Variants in GABRE observed in about 807,000 individuals in gnomAD.
The protein encoded by GABRE is gamma-aminobutyric acid receptor subunit epsilon.
GABRE carries 20 observed loss-of-function variants against 31.0 expected under a neutral mutation model. The observed-to-expected ratio is 0.64, with a 90% CI of 0.45 to 0.94. The LOEUF is 0.94. GABRE is among the 40% of genes least tolerant of loss of function. GABRE has a pLI of 0.00. For synonymous variants in GABRE, 155 were observed against 150.6 expected (o/e 1.03, Z -0.21); for missense variants, 420 against 410.7 (o/e 1.02, Z -0.20).
chrX:151,954,979 T>C lies in GABRE; in HGVS notation c.1243A>G (p.Ser415Gly). ...CAAGACGGGCGCTCCTCTCCATCACTTCCCTCAGTGGTGACAATCTGGCAC... is the reference window on the plus strand; with the variant it reads ...CAAGACGGGCGCTCCTCTCCATCACCTCCCTCAGTGGTGACAATCTGGCAC... Reference protein sequence around the residue: ...FVCQIVTTEGSDGEERPSCSA... With the variant: ...FVCQIVTTEGGDGEERPSCSA... Residue 415 changes from serine to glycine, a missense_variant, in exon 9 of 9, where the codon AGT becomes GGT. By Grantham distance (56) the Ser-to-Gly change is moderately conservative. Coordinates refer to ENST00000370328, the MANE Select transcript of GABRE (RefSeq NM_004961.4). 1 of 1,206,659 alleles carries C rather than the reference T, an allele frequency of 8.3e-7. No homozygotes were observed. Among genetic ancestry groups the C allele is most frequent in the African/African-American group, 1.7e-5 (1 of 57,716 alleles).
At chrX:151,963,221 T>C (rs920040684) in intron 3 of GABRE, among the ~76,000 whole-genome samples, 2 of 112,269 alleles carry the variant, frequency 1.8e-5, no homozygotes, top group African/African-American at 6.5e-5. Context: ...GTTACGATCT[T>C]AAATCAGAGC....
chrX:151,959,810 G>A, intron 6 of GABRE, 29 bp downstream of exon 6: 1 of 1,203,017 alleles, frequency 8.3e-7, no homozygotes, highest in South Asian at 1.8e-5. Flanking sequence ...CCACCTTCCT[G>A]GACTTCCGCC....
chrX:151,960,379 T>C (rs1243980919), intron 5 of GABRE, among the ~76,000 whole-genome samples: 2 of 111,970 alleles, frequency 1.8e-5, no homozygotes, highest in Non-Finnish European at 3.8e-5. Flanking sequence ...ATATTCCCAT[T>C]AAATCTTGAA....
chrX:151,957,579 T>C (rs1934214860), intron 6 of GABRE: 2 of 284,639 alleles, frequency 7.0e-6, no homozygotes, highest in Middle Eastern at 5.6e-4. Flanking sequence ...AGATTTATTA[T>C]TCTGTTGGAT....
intron 1 of GABRE, chrX:151,972,000 T>G (rs913331817): frequency 2.7e-6 from 2 of 736,060 alleles, no homozygotes; most frequent in African/African-American, 4.8e-5. Flanking sequence ...AGCTGTTCAC[T>G]CATGATGTCT....
At chrX:151,964,508 C>G (rs1057230306) in intron 3 of GABRE, among the ~76,000 whole-genome samples, 3 of 111,691 alleles carry the variant, frequency 2.7e-5, no homozygotes, top group African/African-American at 9.8e-5. Flanking sequence ...TAGAAACAGA[C>G]AGGCGATGGT....
intron 3 of GABRE, among the ~76,000 whole-genome samples, chrX:151,964,414 G>A (rs1366014746): frequency 5.4e-5 from 6 of 111,640 alleles, no homozygotes; most frequent in Non-Finnish European, 9.4e-5. Flanking sequence ...CATGAGTTTG[G>A]CTGTAGGAGT....
At chrX:151,957,715 GAGA>G (rs1274667519) in intron 6 of GABRE, 1 of 237,023 alleles carries the variant, frequency 4.2e-6, no homozygotes, top group African/African-American at 2.9e-5. Flanking sequence ...TGAGGAGTGA[GAGA>G]AGCACGGGTA....
intron 2 of GABRE, 60 bp downstream of exon 2, chrX:151,970,125 T>G: frequency 8.4e-7 from 1 of 1,194,706 alleles, no homozygotes; most frequent in Non-Finnish European, 1.1e-6. Context: ...GCATTCTCCA[T>G]GCCTATGCCC....
At chrX:151,959,272 G>A in intron 6 of GABRE, 1 of 243,523 alleles carries the variant, frequency 4.1e-6, no homozygotes, top group Middle Eastern at 1.5e-3. Flanking sequence ...ATGTCTATGT[G>A]GAATCCACCA....
intron 3 of GABRE, among the ~76,000 whole-genome samples, chrX:151,963,706 A>G (rs908364116): frequency 1.2e-4 from 13 of 112,577 alleles, no homozygotes; most frequent in African/African-American, 4.2e-4. Context: ...CTAGGTATAC[A>G]TGATCAACAT....
In GABRE at chrX:151,974,558, A is replaced by T; in HGVS notation, c.56+12T>A. The T allele has an allele frequency of 9.0e-7, 1 of 1,115,423 alleles. No individual in the cohort carries two copies. The highest frequency in any genetic ancestry group is 1.2e-6 in the Non-Finnish European group (1 of 838,942). The allele number at this position is 1,115,423 out of a possible 1,213,427, so 91.9% of individuals were successfully genotyped here. On this transcript the variant is annotated intron_variant, in intron 1 of 8. Transcript: ENST00000370328. ...GCGCGAAGGGCTCCCGGGTCCCGGG[A>T]TGGAGACTCACCTCGACTGGAGGAT...
chrX:151,960,058 C>G, intron 5 of GABRE, 82 bp from the exon 6 acceptor site: 1 of 948,941 alleles, frequency 1.1e-6, no homozygotes, highest in Non-Finnish European at 1.5e-6. Flanking sequence ...TCAGCCTGCA[C>G]AATGCCTTGG....
intron 5 of GABRE, 150 bp from the exon 6 acceptor site, chrX:151,960,126 A>T (rs1177863837): frequency 2.0e-6 from 1 of 497,815 alleles, no homozygotes; most frequent in African/African-American, 2.4e-5. Flanking sequence ...TCATTGTTGA[A>T]GTCCATTCAA....
chrX:151,970,137 C>G, intron 2 of GABRE, 48 bp downstream of exon 2: 1 of 1,202,803 alleles, frequency 8.3e-7, no homozygotes, highest in Non-Finnish European at 1.1e-6. Flanking sequence ...CCTATGCCCT[C>G]AACCCCTGGA....
chrX:151,953,267 A>G lies in GABRE; in HGVS notation c.*1434T>C, dbSNP rs1041054750. ...ATATAGAAGCATTGGGGCATGTCCA[A>G]ATTCATTCCACTGGGTTACTACAGC... On this transcript the variant is annotated 3_prime_UTR_variant, in exon 9 of 9. Transcript: ENST00000370328. The G allele has an allele frequency of 8.9e-6, 1 of 111,856 alleles. No individual in the cohort carries two copies. Among genetic ancestry groups the G allele is most frequent in the Non-Finnish European group, 1.9e-5 (1 of 53,159 alleles). The allele number at this position is 111,856 out of a possible 1,213,427, so 9.2% of individuals were successfully genotyped here.
chrX:151,969,846 C>T (rs1370684631), intron 2 of GABRE, 110 bp from the exon 3 acceptor site: 2 of 1,115,527 alleles, frequency 1.8e-6, no homozygotes, highest in Admixed American at 3.2e-5. Context: ...TTGGACCACA[C>T]AGTTTCAGCA....
chrX:151,971,180 A>G, intron 1 of GABRE: 1 of 772,616 alleles, frequency 1.3e-6, no homozygotes, highest in South Asian at 2.4e-5. Context: ...CTTTGCTGGG[A>G]GGCAGTGACA....
At chrX:151,955,309 C>T (rs1934120542) in intron 8 of GABRE, 59 bp downstream of exon 8, 12 of 1,207,525 alleles carry the variant, frequency 9.9e-6, no homozygotes, top group Non-Finnish European at 1.2e-5. Context: ...CCCCAGTACC[C>T]TTGCTAGCAT....
Sources: allele counts gnomAD v4.1 joint callset (sites outside exome capture counted in the v4.1 genomes callset), GRCh38; gene constraint gnomAD v4.1.1; transcripts MANE v1.5; gene names NCBI Gene and HGNC (gene_info 2026-07-23, HGNC 2026-07-21).